WWOX: variants seen among roughly 807,000 people sequenced by gnomAD.
The protein encoded by WWOX is WW domain-containing oxidoreductase.
WWOX carries 69 observed loss-of-function variants against 46.2 expected under a neutral mutation model. That is an observed-to-expected ratio of 1.49 (90% CI 1.23 to 1.82). The LOEUF is 1.82. WWOX is among the 40% of genes most tolerant of loss of function. WWOX has a pLI of 0.00. For synonymous variants in WWOX, 359 were observed against 202.6 expected (o/e 1.77, Z -6.56); for missense variants, 919 against 542.6 (o/e 1.69, Z -6.89).
intron 8 of WWOX, among the ~76,000 whole-genome samples, chr16:78,991,890 C>T (rs1201429000): frequency 2.0e-5 from 3 of 152,188 alleles, no homozygotes; most frequent in African/African-American, 4.8e-5. Context: ...CGATCACCTC[C>T]ATAAATGTTC....
At chr16:78,487,345 C>G (rs2084663219) in intron 8 of WWOX, among the ~76,000 whole-genome samples, 1 of 151,986 alleles carries the variant, frequency 6.6e-6, no homozygotes, top group Non-Finnish European at 1.5e-5. Context: ...AGAGTTGAGC[C>G]CCTGGGCATT....
chr16:78,147,151 CT>C (rs35026859), intron 4 of WWOX, among the ~76,000 whole-genome samples: 5 of 149,724 alleles, frequency 3.3e-5, no homozygotes, highest in Non-Finnish European at 4.5e-5. Flanking sequence ...ATCAGAGATA[CT>C]TTTTTTTTTG....
intron 5 of WWOX, among the ~76,000 whole-genome samples, chr16:78,291,262 G>A (rs534719023): frequency 6.6e-6 from 1 of 152,102 alleles, no homozygotes; most frequent in East Asian, 1.9e-4. Flanking sequence ...TCTCTCTTTT[G>A]ACTCGATGTG....
At chr16:78,980,595 T>C (rs1268634231) in intron 8 of WWOX, among the ~76,000 whole-genome samples, 2 of 152,178 alleles carry the variant, frequency 1.3e-5, no homozygotes, top group Admixed American at 6.5e-5. Flanking sequence ...CAGGATCCTA[T>C]GTAGGTATCC....
intron 8 of WWOX, among the ~76,000 whole-genome samples, chr16:78,494,849 G>A (rs2084872368): frequency 6.6e-6 from 1 of 152,174 alleles, no homozygotes; most frequent in Non-Finnish European, 1.5e-5. Context: ...AATTGAGTAA[G>A]AGGCTGATGT....
intron 6 of WWOX, among the ~76,000 whole-genome samples, chr16:78,394,552 T>C (rs28604590): frequency 9.8e-5 from 15 of 152,320 alleles, no homozygotes; most frequent in Non-Finnish European, 1.9e-4. Context: ...AAAATATTTC[T>C]GAAATAGATC....
chr16:79,000,584 G>C (rs947751931), intron 8 of WWOX, among the ~76,000 whole-genome samples: 1 of 152,134 alleles, frequency 6.6e-6, no homozygotes, highest in African/African-American at 2.4e-5. Flanking sequence ...TTCAGGCAGC[G>C]TCTAGAAGCC....
intron 8 of WWOX, among the ~76,000 whole-genome samples, chr16:79,161,378 T>C (rs933376294): frequency 2.0e-5 from 3 of 152,126 alleles, no homozygotes; most frequent in African/African-American, 7.2e-5. Flanking sequence ...AAGGATGAAA[T>C]GAAAAGTCCA....
At chr16:79,081,725 A>G (rs955552360) in intron 8 of WWOX, among the ~76,000 whole-genome samples, 9 of 152,128 alleles carry the variant, frequency 5.9e-5, no homozygotes, top group Non-Finnish European at 1.2e-4. Flanking sequence ...AATTTAGACC[A>G]TGCCAAGTGT....
At chr16:78,334,208 C>G (rs144771319) in intron 5 of WWOX, among the ~76,000 whole-genome samples, 104 of 152,258 alleles carry the variant, frequency 6.8e-4, no homozygotes, top group African/African-American at 2.3e-3. Flanking sequence ...ACAAATGATA[C>G]CACATCGCTG....
chr16:78,558,904 C>G (rs927092867), intron 8 of WWOX, among the ~76,000 whole-genome samples: 13 of 152,222 alleles, frequency 8.5e-5, no homozygotes, highest in African/African-American at 3.1e-4. Flanking sequence ...CTCCTTTGTT[C>G]CCATACTAAC....
intron 8 of WWOX, among the ~76,000 whole-genome samples, chr16:78,954,447 A>T (rs896853876): frequency 6.6e-6 from 1 of 152,212 alleles, no homozygotes; most frequent in Non-Finnish European, 1.5e-5. Flanking sequence ...TGATGCATGG[A>T]TAGATGAATG....
At chr16:78,384,909 G>T (rs926997431) in intron 5 of WWOX, among the ~76,000 whole-genome samples, 2 of 151,994 alleles carry the variant, frequency 1.3e-5, no homozygotes, top group African/African-American at 2.4e-5. Context: ...GCCGGGGTGG[G>T]TGGATCACAA....
At chr16:78,794,492 A>C (rs1296421177) in intron 8 of WWOX, among the ~76,000 whole-genome samples, 4 of 152,210 alleles carry the variant, frequency 2.6e-5, no homozygotes, top group South Asian at 2.1e-4. Flanking sequence ...TCCTTAGGCA[A>C]AATACCCAAA....
At chr16:79,041,705 G>C (rs796084866) in intron 8 of WWOX, among the ~76,000 whole-genome samples, 12 of 152,278 alleles carry the variant, frequency 7.9e-5, no homozygotes, top group African/African-American at 2.9e-4. Context: ...GCATGAGGCA[G>C]TTTGAAACTG....
chr16:78,416,883 A>G (rs1487026833), intron 6 of WWOX, among the ~76,000 whole-genome samples: 1 of 152,232 alleles, frequency 6.6e-6, no homozygotes, highest in Non-Finnish European at 1.5e-5. Context: ...GGGAGGACAC[A>G]GATTCACAGG....
At chr16:78,195,836 A>AG (rs1239370315) in intron 5 of WWOX, among the ~76,000 whole-genome samples, 2 of 150,350 alleles carry the variant, frequency 1.3e-5, no homozygotes, top group Non-Finnish European at 1.5e-5. Flanking sequence ...AAAAAAAAAA[A>AG]AAAAGAAAAA....
At chr16:78,724,474 T>C (rs1431433058) in intron 8 of WWOX, among the ~76,000 whole-genome samples, 1 of 152,214 alleles carries the variant, frequency 6.6e-6, no homozygotes, top group Non-Finnish European at 1.5e-5. Context: ...CATTGCATTA[T>C]CATTATAATA....
chr16:78,970,636 G>T (rs1416950111), intron 8 of WWOX, among the ~76,000 whole-genome samples: 1 of 152,218 alleles, frequency 6.6e-6, no homozygotes, highest in East Asian at 1.9e-4. Context: ...AAAGATTATA[G>T]TGTAATGCCA....
Sources: allele counts gnomAD v4.1 joint callset (sites outside exome capture counted in the v4.1 genomes callset), GRCh38; gene constraint gnomAD v4.1.1; transcripts MANE v1.5; gene names NCBI Gene and HGNC (gene_info 2026-07-23, HGNC 2026-07-21).